The following CXADR variants were observed in gnomAD, a reference collection of about 807,000 sequenced individuals.
The protein encoded by CXADR is coxsackievirus and adenovirus receptor.
A neutral mutation model predicts 40.3 loss-of-function variants in CXADR; 20 were observed. That is an observed-to-expected ratio of 0.50 (90% CI 0.35 to 0.72). The LOEUF (loss-of-function observed/expected upper bound fraction) is 0.72. Ranked by LOEUF, CXADR falls within the 30% of genes least tolerant of loss-of-function variation. The probability of loss-of-function intolerance (pLI) is 0.01; values close to 1 mark genes in which losing one functional copy is unlikely to be tolerated. For synonymous variants in CXADR, 150 were observed against 161.3 expected (o/e 0.93, Z 0.53); for missense variants, 332 against 449.1 (o/e 0.74, Z 2.36).
At chr21:17,536,790 T>A (rs1044981118) in intron 1 of CXADR, among the ~76,000 whole-genome samples, 1 of 152,164 alleles carries the variant, frequency 6.6e-6, no homozygotes, top group Non-Finnish European at 1.5e-5. Flanking sequence ...AGTGTCTCAC[T>A]CTGTCTCCTA....
At chr21:17,558,543 C>G (rs183504602) in intron 3 of CXADR, among the ~76,000 whole-genome samples, 48 of 152,248 alleles carry the variant, frequency 3.2e-4, no homozygotes, top group Admixed American at 7.8e-4. Flanking sequence ...GCCTGATTGT[C>G]AGGGTTATGG....
chr21:17,577,923 T>C (rs1365057580), intron 7 of CXADR, among the ~76,000 whole-genome samples: 4 of 152,152 alleles, frequency 2.6e-5, no homozygotes, highest in African/African-American at 4.8e-5. Flanking sequence ...CTTATTTTAC[T>C]TGGCAAAATG....
chr21:17,544,329 G>A (rs941690854), intron 1 of CXADR, among the ~76,000 whole-genome samples: 22 of 152,140 alleles, frequency 1.4e-4, no homozygotes, highest in Non-Finnish European at 7.4e-5. Context: ...TAGAAACATG[G>A]GCATGAAATG....
Position 17,551,809 on chromosome 21 carries a change from G to A in CXADR, c.271G>A (p.Val91Ile). 1 of 1,613,764 alleles carries A rather than the reference G, an allele frequency of 6.2e-7. No individual in the cohort carries two copies. Among genetic ancestry groups the A allele is most frequent in the Non-Finnish European group, 8.5e-7 (1 of 1,179,816 alleles). Residue 91 changes from valine (V) to isoleucine (I), a missense_variant, in exon 3 of 7, where the codon GTA becomes ATA. Around this residue, in one of 3 missense-constraint regions of CXADR, gnomAD observed 162 missense variants for 198.5 expected, o/e 0.82. Coordinates refer to ENST00000284878, the MANE Select transcript of CXADR (RefSeq NM_001338.5). ...DDYYPDLKGRVHFTSNDLKSG... is the reference protein window; with the variant it reads ...DDYYPDLKGRIHFTSNDLKSG... The stretch of plus-strand genomic sequence containing the variant: ...CTACTATCCAGATCTGAAAGGCCGA[G>A]TACATTTTACGAGTAATGATCTCAA...
intron 1 of CXADR, among the ~76,000 whole-genome samples, chr21:17,543,660 T>G (rs2060857458): frequency 6.6e-6 from 1 of 152,206 alleles, no homozygotes; most frequent in African/African-American, 2.4e-5. Flanking sequence ...CCAAACTAAA[T>G]TTCTGAAATT....
At chr21:17,601,162 C>CA in the CXADR span, among the ~76,000 whole-genome samples, 7,019 of 115,428 alleles carry the variant, frequency 0.061, 404 homozygotes, top group African/African-American at 0.17. Flanking sequence ...GACTCCGTCT[C>CA]AAAAAAAAAA....
chr21:17,569,023 G>A lies in CXADR; in HGVS notation c.*3331G>A. 3.0e-6 allele frequency: 3 copies of A among 984,916 alleles called. No homozygotes were observed. The highest frequency in any genetic ancestry group is 2.4e-6 in the Non-Finnish European group (2 of 829,652). The allele number at this position is 984,916 out of a possible 1,614,324, so 61.0% of individuals were successfully genotyped here. On this transcript the variant is annotated 3_prime_UTR_variant, in exon 7 of 7. Coordinates refer to ENST00000284878, the MANE Select transcript of CXADR (RefSeq NM_001338.5). The stretch of plus-strand genomic sequence containing the variant: ...TTTTTCAAATTTAAGAGTTAATCTT[G>A]GAAATTTGGAACAAGTAAAGGGGCA...
At chr21:17,584,172 G>C (rs1414114637) in intron 7 of CXADR, among the ~76,000 whole-genome samples, 1 of 152,194 alleles carries the variant, frequency 6.6e-6, no homozygotes, top group Non-Finnish European at 1.5e-5. Flanking sequence ...TCTGGAGTTA[G>C]AGGTTATCCT....
chr21:17,593,181 TAC>T lies in CXADR; in HGVS notation c.1049_1050del (p.Thr350SerfsTer8). The T allele has an allele frequency of 1.4e-6, 2 of 1,463,876 alleles. No individual in the cohort carries two copies. The highest frequency in any genetic ancestry group is 1.8e-6 in the Non-Finnish European group (2 of 1,098,388). 90.7% of individuals were successfully genotyped at this position (1,463,876 alleles called of 1,614,324 possible). On this transcript the variant is annotated frameshift_variant, in exon 8 of 8. Coordinates refer to the CXADR transcript ENST00000400169. LOFTEE classifies it high-confidence loss of function. ...AGTACCCTTACAAGACTGATGGAAT[TAC>T]AGTTGTATAAATATGGACTACTGAA... is the stretch of plus-strand genomic sequence containing the variant.
At chr21:17,548,529 A>G (rs929770607) in intron 2 of CXADR, among the ~76,000 whole-genome samples, 1 of 152,132 alleles carries the variant, frequency 6.6e-6, no homozygotes. Flanking sequence ...CCTAGAGTAC[A>G]GGCTCCTGTC....
chr21:17,551,286 G>C (rs539027742), intron 2 of CXADR, among the ~76,000 whole-genome samples: 1 of 152,204 alleles, frequency 6.6e-6, no homozygotes, highest in Admixed American at 6.5e-5. Context: ...TGAAGTCTCA[G>C]CTACTGGGGA....
the CXADR span, among the ~76,000 whole-genome samples, chr21:17,604,705 C>T: frequency 6.6e-6 from 1 of 152,214 alleles, no homozygotes; most frequent in Non-Finnish European, 1.5e-5. Flanking sequence ...CCTTCAACAT[C>T]ACCTCCAGAA....
At position 17,549,030 on chromosome 21, in the gene CXADR, G is replaced by C. The variant is rs76907826; in HGVS notation, c.210+1837G>C. Among the ~76,000 whole-genome samples the C allele has an allele frequency of 5.0e-3, 767 of 152,304 alleles. 3 individuals carry two copies. Among genetic ancestry groups the C allele is most frequent in the Non-Finnish European group, 8.1e-3 (550 of 68,016 alleles). On this transcript the variant is annotated intron_variant, in intron 2 of 6. Coordinates refer to ENST00000284878, the MANE Select transcript of CXADR (RefSeq NM_001338.5). ...TAGTAGACAGAATGGTTAAAAACTA[G>C]GAATTGGAGGACTGAGCTGGAAAAA...
At chr21:17,632,750 T>G in the CXADR span, among the ~76,000 whole-genome samples, 2 of 152,064 alleles carry the variant, frequency 1.3e-5, no homozygotes, top group South Asian at 4.2e-4. Flanking sequence ...GCGCCTGTAG[T>G]CCCAGCTACT....
intron 1 of CXADR, among the ~76,000 whole-genome samples, chr21:17,526,335 C>T (rs1295851817): frequency 1.3e-5 from 2 of 152,072 alleles, no homozygotes; most frequent in East Asian, 1.9e-4. Context: ...TTCCTGTTAG[C>T]GATGAGCTAA....
At position 17,566,797 on chromosome 21, in the gene CXADR, A is replaced by G. The variant is rs2061214652; in HGVS notation, c.*1105A>G. On this transcript the variant is annotated 3_prime_UTR_variant, in exon 7 of 7. Transcript: ENST00000284878. ...CAGAATAATCAAATACATTTTAAGC[A>G]AGTTAAGTGTCCTCCATCAATTCTG... 8 of 965,420 alleles carry G rather than the reference A, an allele frequency of 8.3e-6. No individual in the cohort carries two copies. Among genetic ancestry groups the G allele is most frequent in the Non-Finnish European group, 7.4e-6 (6 of 811,836 alleles). 59.8% of individuals were successfully genotyped at this position (965,420 alleles called of 1,614,324 possible). A position where few individuals can be genotyped will look rare whatever the true frequency, so the allele number is the denominator to read the frequency against.
chr21:17,515,453 A>G (rs2060448288), intron 1 of CXADR, among the ~76,000 whole-genome samples: 1 of 149,448 alleles, frequency 6.7e-6, no homozygotes, highest in African/African-American at 2.5e-5. Flanking sequence ...GTCTCAAAAA[A>G]AAAAAGAAGA....
chr21:17,576,088 A>AG, intron 7 of CXADR, among the ~76,000 whole-genome samples: 1 of 2,234 alleles, frequency 4.5e-4, no homozygotes, highest in South Asian at 0.024. Context: ...ACTCCATCTC[A>AG]AAAAAAAAAA....
At chr21:17,540,922 A>G (rs2060818629) in intron 1 of CXADR, among the ~76,000 whole-genome samples, 1 of 152,200 alleles carries the variant, frequency 6.6e-6, no homozygotes, top group Non-Finnish European at 1.5e-5. Context: ...TTATTTAATT[A>G]TAAATATGGT....
Sources: gnomAD v4.1 joint callset for allele counts (sites outside exome capture counted in the v4.1 genomes callset) on GRCh38, gnomAD v4.1.1 for gene constraint, gnomAD v4.1.1 regional missense constraint, MANE v1.5 for transcripts, NCBI Gene and HGNC (gene_info 2026-07-23, HGNC 2026-07-21) for gene names.